Variants in DIAPH3 observed in about 807,000 individuals in gnomAD.
The protein encoded by DIAPH3 is diaphanous related formin 3, also known as protein diaphanous homolog 3.
In DIAPH3, 117 loss-of-function variants were observed where a neutral mutation model predicts 144.3. The observed-to-expected ratio is 0.81, with a 90% CI of 0.70 to 0.95. The LOEUF is 0.95. Ranked by LOEUF, DIAPH3 falls within the 40% of genes least tolerant of loss-of-function variation. The pLI, the probability that DIAPH3 is intolerant of heterozygous loss-of-function variation, is 0.00. For synonymous variants in DIAPH3, 519 were observed against 488.9 expected, an observed-to-expected ratio of 1.06 and a Z score of -0.81; for missense variants, 1,421 against 1,412.7, an observed-to-expected ratio of 1.01 and a Z score of -0.09.
chr13:59,812,616 T>G (rs2040545526), intron 24 of DIAPH3, among the ~76,000 whole-genome samples: 1 of 152,156 alleles, frequency 6.6e-6, no homozygotes, highest in Admixed American at 6.5e-5. Context: ...AAGCTGAATC[T>G]TAAATGTCAA....
chr13:59,992,020 G>A, intron 11 of DIAPH3, 48 bp downstream of exon 11: 1 of 1,470,124 alleles, frequency 6.8e-7, no homozygotes, highest in Non-Finnish European at 9.5e-7. Context: ...TTTGGATTTA[G>A]CAATAATTTT....
At chr13:60,057,912 T>G (rs1388183836) in intron 4 of DIAPH3, among the ~76,000 whole-genome samples, 2 of 151,838 alleles carry the variant, frequency 1.3e-5, no homozygotes, top group East Asian at 3.8e-4. Context: ...GACTAAAGAA[T>G]TAATCTAAGA....
rs559157290 is a variant in DIAPH3 at position 60,091,098 on chromosome 13, C to T, written c.495+2530G>A. ...TTTCTAAACCAGTTCTAACTGATGT[C>T]GTATCTCTTATAATAAATGAATTCC... On this transcript the variant is annotated intron_variant, in intron 4 of 27. Coordinates refer to ENST00000400324, the MANE Select transcript of DIAPH3 (RefSeq NM_001042517.2). 5.9e-5 allele frequency among the ~76,000 whole-genome samples: 9 copies of T among 152,230 alleles called. 1 individual carries two copies. Among genetic ancestry groups the T allele is most frequent in the African/African-American group, 9.6e-5 (4 of 41,544 alleles).
At chr13:59,897,506 T>C (rs1017598008) in intron 20 of DIAPH3, among the ~76,000 whole-genome samples, 28 of 151,692 alleles carry the variant, frequency 1.8e-4, no homozygotes, top group Non-Finnish European at 3.5e-4. Context: ...TCCCAGCACT[T>C]TGGGAGGCCG....
intron 27 of DIAPH3, among the ~76,000 whole-genome samples, chr13:59,766,646 A>T (rs1304067503): frequency 1.3e-5 from 2 of 152,140 alleles, no homozygotes; most frequent in East Asian, 3.9e-4. Flanking sequence ...CACCTCCAGA[A>T]CTATTAATAC....
chr13:59,683,193 A>G (rs909244975), intron 27 of DIAPH3, among the ~76,000 whole-genome samples: 1 of 152,154 alleles, frequency 6.6e-6, no homozygotes, highest in East Asian at 1.9e-4. Flanking sequence ...CGACAGAGAG[A>G]TTTGCTTATT....
intron 23 of DIAPH3, among the ~76,000 whole-genome samples, chr13:59,835,434 T>C (rs1458773989): frequency 3.3e-5 from 5 of 151,686 alleles, no homozygotes; most frequent in Admixed American, 2.6e-4. Flanking sequence ...GAAAGTGAGA[T>C]TGACTAAAAC....
At chr13:59,963,293 G>A (rs1304056952) in intron 17 of DIAPH3, among the ~76,000 whole-genome samples, 1 of 152,048 alleles carries the variant, frequency 6.6e-6, no homozygotes. Flanking sequence ...CTAAACACAT[G>A]AATGCATAAT....
intron 2 of DIAPH3, among the ~76,000 whole-genome samples, chr13:60,125,231 T>G (rs2138176770): frequency 6.6e-6 from 1 of 152,204 alleles, no homozygotes; most frequent in Admixed American, 6.5e-5. Flanking sequence ...TTTGTTTTTT[T>G]AAGACAAGGT....
intron 24 of DIAPH3, among the ~76,000 whole-genome samples, chr13:59,827,551 A>G (rs1172163025): frequency 6.6e-6 from 1 of 152,024 alleles, no homozygotes; most frequent in African/African-American, 2.4e-5. Context: ...TTGCTTAAGG[A>G]GATAAGAGTG....
intron 27 of DIAPH3, among the ~76,000 whole-genome samples, chr13:59,746,886 C>T (rs2139086654): frequency 6.6e-6 from 1 of 152,270 alleles, no homozygotes; most frequent in South Asian, 2.1e-4. Flanking sequence ...CATTTTCCTA[C>T]AATGACTGAC....
rs758416030 is a variant in DIAPH3, at chr13:59,833,162, T to G, written c.2972A>C (p.Lys991Thr). 6.2e-7 allele frequency: 1 copy of G among 1,610,986 alleles called. No individual in the cohort carries two copies. The highest frequency in any genetic ancestry group is 8.5e-7 in the Non-Finnish European group (1 of 1,178,122). The change falls in exon 24 of 28, where the codon AAG becomes ACG. Residue 991 changes from lysine to threonine, a missense_variant. Lys to Thr is a moderately conservative substitution (Grantham distance 78). Transcript: ENST00000400324. ...IIGYYAIDVK[K>T]VSVEDFLTDL... ...AGTAAGAAAGTCTTCCACAGACACC[T>G]TCTTCACATCAATGGCATAGTATCC...
Position 60,116,536 on chromosome 13 carries a change from T to A in DIAPH3, c.214-4350A>T, listed in dbSNP as rs114396720. 8.8e-3 allele frequency among the ~76,000 whole-genome samples: 1,334 copies of A among 152,070 alleles called. 16 individuals are homozygous for A. The highest frequency in any genetic ancestry group is 0.03 in the African/African-American group (1,264 of 41,534). On this transcript the variant is annotated intron_variant, in intron 2 of 27. Transcript: ENST00000400324. Reference sequence around the variant, plus strand: ...TTCATTGCCATCATTTCTGTACGGATAATATCAATTCCTAAGCACAGAAAC... The same window carrying A: ...TTCATTGCCATCATTTCTGTACGGAAAATATCAATTCCTAAGCACAGAAAC...
intron 25 of DIAPH3, among the ~76,000 whole-genome samples, chr13:59,785,800 T>C (rs965100765): frequency 3.3e-5 from 5 of 152,170 alleles, no homozygotes; most frequent in Non-Finnish European, 7.3e-5. Context: ...AAGGCATATA[T>C]GTACATAAAG....
chr13:59,768,837 T>C (rs1185424291), intron 27 of DIAPH3, among the ~76,000 whole-genome samples: 1 of 152,140 alleles, frequency 6.6e-6, no homozygotes, highest in African/African-American at 2.4e-5. Flanking sequence ...CTATTAAGAA[T>C]TGATTTAGTG....
At chr13:59,918,176 A>G (rs1566514304) in intron 18 of DIAPH3, among the ~76,000 whole-genome samples, 1 of 150,332 alleles carries the variant, frequency 6.7e-6, no homozygotes, top group African/African-American at 2.5e-5. Flanking sequence ...CATCACCCGT[A>G]TCAATCCATC....
chr13:59,774,727 C>T lies in DIAPH3; in HGVS notation c.3259+1G>A. 6.2e-7 allele frequency: 1 copy of T among 1,613,828 alleles called. No individual in the cohort carries two copies. The highest frequency in any genetic ancestry group is 8.5e-7 in the Non-Finnish European group (1 of 1,179,748). ...TAACATGAAACAAGTATAGGGTTCACCTTTTGGCATCGGTGTCCTTTTTCT... is the reference window on the plus strand; with the variant it reads ...TAACATGAAACAAGTATAGGGTTCATCTTTTGGCATCGGTGTCCTTTTTCT... On this transcript the variant is annotated splice_donor_variant, in intron 26 of 27. Coordinates refer to ENST00000400324, the MANE Select transcript of DIAPH3 (RefSeq NM_001042517.2). LOFTEE classifies it high-confidence loss of function.
chr13:59,833,048 A>G, intron 24 of DIAPH3, 59 bp downstream of exon 24: 2 of 1,263,704 alleles, frequency 1.6e-6, no homozygotes, highest in Admixed American at 1.9e-5. Flanking sequence ...ATGTAATGAG[A>G]TAATAGATAA....
At chr13:60,086,564 G>A (rs1210647960) in intron 4 of DIAPH3, among the ~76,000 whole-genome samples, 1 of 150,348 alleles carries the variant, frequency 6.7e-6, no homozygotes, top group Admixed American at 6.7e-5. Context: ...TGTGTTATAG[G>A]GGCATTTTTA....
Sources: gnomAD v4.1 joint callset for allele counts (sites outside exome capture counted in the v4.1 genomes callset) on GRCh38, gnomAD v4.1.1 for gene constraint, MANE v1.5 for transcripts, NCBI Gene and HGNC (gene_info 2026-07-23, HGNC 2026-07-21) for gene names.